Variants in RNF185 observed in about 807,000 individuals in gnomAD.
RNF185 encodes the protein ring finger protein 185.
In RNF185, 13 loss-of-function variants were observed where a neutral mutation model predicts 24.9. The observed-to-expected ratio is 0.52, with a 90% CI of 0.34 to 0.83. RNF185 has a LOEUF of 0.83. Ranked by LOEUF, RNF185 falls within the 40% of genes least tolerant of loss-of-function variation. The pLI is 0.01. For synonymous variants in RNF185, 79 were observed against 90.3 expected (o/e 0.88, Z 0.71); for missense variants, 184 against 244.7 (o/e 0.75, Z 1.65).
chr22:31,171,021 TTTG>T (rs1357652921), intron 1 of RNF185, among the ~76,000 whole-genome samples: 1 of 151,980 alleles, frequency 6.6e-6, no homozygotes, highest in Non-Finnish European at 1.5e-5. Context: ...CCTAAGGAAG[TTTG>T]TTGTTTTTTC....
At position 31,197,613 on chromosome 22, in the gene RNF185, T is replaced by A. The variant is rs142756722; in HGVS notation, c.363+623T>A. On this transcript the variant is annotated intron_variant, in intron 5 of 6. Transcript: ENST00000326132. ...CTCTGTAGCCCAGGCTGGAGTGCAG[T>A]GGTGTGATCACAGTTCACTGTAGCC... Among the ~76,000 whole-genome samples the A allele has an allele frequency of 8.6e-3, 1,309 of 152,356 alleles. 24 individuals carry two copies. The highest frequency in any genetic ancestry group is 0.03 in the African/African-American group (1,253 of 41,586).
At chr22:31,166,582 C>CTTG (rs397731724) in intron 1 of RNF185, among the ~76,000 whole-genome samples, 2 of 90,984 alleles carry the variant, frequency 2.2e-5, no homozygotes, top group African/African-American at 9.6e-5. Context: ...TCTTCTTCTT[C>CTTG]CCCTTCCCCT....
chr22:31,163,084 G>C (rs1923681822), intron 1 of RNF185, among the ~76,000 whole-genome samples: 1 of 152,034 alleles, frequency 6.6e-6, no homozygotes. Context: ...ATTTTTAAAT[G>C]ATGGGAAATA....
chr22:31,198,709 T>C (rs1174936261), intron 5 of RNF185, among the ~76,000 whole-genome samples: 2 of 141,128 alleles, frequency 1.4e-5, no homozygotes, highest in Admixed American at 6.9e-5. Flanking sequence ...ACTTTCTTTT[T>C]TTTTTTTTTT....
chr22:31,205,809 T>C lies in RNF185; in HGVS notation c.*1223T>C, dbSNP rs920544406. 1 of 152,304 alleles carries C rather than the reference T, an allele frequency of 6.6e-6. No homozygotes were observed. The highest frequency in any genetic ancestry group is 1.5e-5 in the Non-Finnish European group (1 of 68,128). 9.4% of individuals were successfully genotyped at this position (152,304 alleles called of 1,614,324 possible). Reference sequence around the variant, plus strand: ...CTTGGGGAGCCCCAGCACAATGATATTGTGTGGTCTTCCCTCCTGTGGAAT... The same window carrying C: ...CTTGGGGAGCCCCAGCACAATGATACTGTGTGGTCTTCCCTCCTGTGGAAT... On this transcript the variant is annotated 3_prime_UTR_variant, in exon 7 of 7. Transcript: ENST00000326132.
intron 1 of RNF185, 46 bp from the exon 2 acceptor site, chr22:31,187,001 G>A (rs2048105497): frequency 5.4e-6 from 7 of 1,299,500 alleles, no homozygotes; most frequent in Non-Finnish European, 7.5e-6. Context: ...GAAGCTGGGG[G>A]GAGAGGGCTG....
At chr22:31,166,887 C>T (rs536059701) in intron 1 of RNF185, among the ~76,000 whole-genome samples, 41 of 151,944 alleles carry the variant, frequency 2.7e-4, no homozygotes, top group Non-Finnish European at 5.0e-4. Flanking sequence ...TGACCTCAGA[C>T]GATCCACCCA....
At chr22:31,195,288 C>T (rs1010723766) in intron 3 of RNF185, among the ~76,000 whole-genome samples, 181 bp from the exon 4 acceptor site, 1 of 152,150 alleles carries the variant, frequency 6.6e-6, no homozygotes, top group African/African-American at 2.4e-5. Context: ...TTGATTTTAC[C>T]ACTGGTAGGT....
chr22:31,198,304 A>G (rs751310678), intron 5 of RNF185, among the ~76,000 whole-genome samples: 1 of 151,304 alleles, frequency 6.6e-6, no homozygotes, highest in African/African-American at 2.4e-5. Flanking sequence ...GTTTTGGTTC[A>G]TTGTAATTTG....
intron 4 of RNF185, 82 bp from the exon 5 acceptor site, chr22:31,196,854 G>A: frequency 1.3e-6 from 2 of 1,573,926 alleles, no homozygotes. Flanking sequence ...CCCTGACCCT[G>A]TTGGTAAAGA....
chr22:31,166,584 C>T lies in RNF185; in HGVS notation c.-49+6281C>T, dbSNP rs145532794. Among the ~76,000 whole-genome samples the T allele has an allele frequency of 2.9e-4, 17 of 59,532 alleles. No individual in the cohort carries two copies. In the East Asian group the frequency reaches 8.1e-3, roughly 28 times the overall value. The allele number at this position is 59,532 out of a possible 152,430, so 39.1% of individuals were successfully genotyped here. A position where few individuals can be genotyped will look rare whatever the true frequency, so the allele number is the denominator to read the frequency against. Reference sequence around the variant, plus strand: ...TTCTTCTTCTTCTTCTTCTTCTTCCCCTTCCCCTTCCCCTTCCCTTCCCCT... The same window carrying T: ...TTCTTCTTCTTCTTCTTCTTCTTCCTCTTCCCCTTCCCCTTCCCTTCCCCT... On this transcript the variant is annotated intron_variant, in intron 1 of 6. Transcript: ENST00000326132.
At chr22:31,195,349 C>G (rs2048195283) in intron 3 of RNF185, 120 bp from the exon 4 acceptor site, 1 of 604,168 alleles carries the variant, frequency 1.7e-6, no homozygotes, top group Admixed American at 3.0e-5. Context: ...TTGAGATGTT[C>G]CCTGCTCATG....
intron 2 of RNF185, among the ~76,000 whole-genome samples, chr22:31,187,558 T>C (rs531001731): frequency 6.6e-6 from 1 of 152,284 alleles, no homozygotes; most frequent in South Asian, 2.1e-4. Context: ...AGAGGCAGTA[T>C]AGCATAATGG....
chr22:31,170,160 T>C (rs1251030621), intron 1 of RNF185, among the ~76,000 whole-genome samples: 3 of 152,094 alleles, frequency 2.0e-5, no homozygotes, highest in Non-Finnish European at 4.4e-5. Context: ...TGCCTTGTGA[T>C]GTAACAGTGA....
intron 5 of RNF185, among the ~76,000 whole-genome samples, chr22:31,199,763 A>G (rs1348613913): frequency 6.6e-6 from 1 of 151,712 alleles, no homozygotes; most frequent in Non-Finnish European, 1.5e-5. Context: ...GGAGATGGAA[A>G]CTCTTTGTTT....
intron 1 of RNF185, among the ~76,000 whole-genome samples, chr22:31,169,042 GA>G (rs1213435983): frequency 6.6e-6 from 1 of 152,054 alleles, no homozygotes; most frequent in African/African-American, 2.4e-5. Flanking sequence ...CACGTAGCTG[GA>G]AGTACAGGCG....
intron 3 of RNF185, among the ~76,000 whole-genome samples, chr22:31,193,877 T>A (rs1313256514): frequency 3.3e-5 from 5 of 151,344 alleles, no homozygotes; most frequent in Non-Finnish European, 5.9e-5. Context: ...TTTTTATCAC[T>A]TGTTTTTTTA....
At chr22:31,181,904 A>G (rs1423825519) in intron 1 of RNF185, among the ~76,000 whole-genome samples, 1 of 151,964 alleles carries the variant, frequency 6.6e-6, no homozygotes, top group Non-Finnish European at 1.5e-5. Context: ...ACCTAATGTA[A>G]ATGACGAGTT....
In RNF185 at chr22:31,177,527, C is replaced by T. The variant is rs1602806010; in HGVS notation, c.-48-9520C>T. 2.6e-5 allele frequency among the ~76,000 whole-genome samples: 4 copies of T among 152,220 alleles called. No individual in the cohort carries two copies. The Middle Eastern group carries it at 0.014, about 518-fold the overall frequency. On this transcript the variant is annotated intron_variant, in intron 1 of 6. Coordinates refer to ENST00000326132, the MANE Select transcript of RNF185 (RefSeq NM_152267.4). The stretch of plus-strand genomic sequence containing the variant: ...GTTTCCAAGTTCCAATAAACTTATT[C>T]AGAGTTCTTCCCATTCCAGCCTTCT...
Sources: gnomAD v4.1 joint callset for allele counts (sites outside exome capture counted in the v4.1 genomes callset) on GRCh38, gnomAD v4.1.1 for gene constraint, MANE v1.5 for transcripts, NCBI Gene and HGNC (gene_info 2026-07-23, HGNC 2026-07-21) for gene names.